The following LMNTD2 variants were observed in gnomAD, a reference collection of about 807,000 sequenced individuals.
The protein encoded by LMNTD2 is lamin tail domain-containing protein 2.
A neutral mutation model predicts 70.1 loss-of-function variants in LMNTD2; 83 were observed. The ratio of observed to expected loss-of-function variants is 1.18; its 90% CI spans 0.99 to 1.42. The LOEUF is 1.42. Ranked by LOEUF, LMNTD2 falls within the 40% of genes most tolerant of loss-of-function variation. The pLI, the probability that LMNTD2 is intolerant of heterozygous loss-of-function variation, is 0.00. For missense variants in LMNTD2, 1,153 were observed against 905.9 expected (o/e 1.27, Z -3.50); for synonymous variants, 534 against 406.1 (o/e 1.31, Z -3.79).
chr11:556,926 G>C lies in LMNTD2; in HGVS notation c.885C>G (p.Phe295Leu). ...GGGGCGGGTGCCCTATCACCTGCAC[G>C]AAGGAAGGCAGGCCCGGCCGGCAGC... is the stretch of plus-strand genomic sequence containing the variant. ...SSSCRPGLPS[F>L]VQVIGHPPRD... Residue 295 changes from phenylalanine (F) to leucine (L), a missense_variant, in exon 8 of 14, where the codon TTC (phenylalanine) becomes TTG (leucine). By Grantham distance (22) the Phe-to-Leu change is conservative. Coordinates refer to ENST00000329451, the MANE Select transcript of LMNTD2 (RefSeq NM_173573.3). 1 of 1,599,212 alleles carries C rather than the reference G, an allele frequency of 6.3e-7. No homozygotes were observed. Among genetic ancestry groups the C allele is most frequent in the Non-Finnish European group, 8.5e-7 (1 of 1,176,674 alleles).
rs1852939133 is a variant in LMNTD2, at chr11:557,101, T to A, written c.714-4A>T. The stretch of plus-strand genomic sequence containing the variant: ...CTGTGGCCAGGGCCGGGGCTGCCTG[T>A]GGACCACGCTCTGCTTGATGGCCAC... On this transcript the variant is annotated splice_region_variant and splice_polypyrimidine_tract_variant and intron_variant, in intron 7 of 13. Coordinates refer to ENST00000329451, the MANE Select transcript of LMNTD2 (RefSeq NM_173573.3). 1 of 1,584,828 alleles carries A rather than the reference T, an allele frequency of 6.3e-7. No homozygotes were observed. Among genetic ancestry groups the A allele is most frequent in the Non-Finnish European group, 8.6e-7 (1 of 1,164,442 alleles).
intron 8 of LMNTD2, 120 bp downstream of exon 8, chr11:556,715 A>C (rs1852904661): frequency 2.1e-6 from 3 of 1,420,734 alleles, no homozygotes; most frequent in Non-Finnish European, 1.9e-6. Context: ...CAGATGGGGC[A>C]GGAAAGGTGG....
chr11:559,742 C>T (rs1853158423), intron 1 of LMNTD2: 1 of 1,063,696 alleles, frequency 9.4e-7, no homozygotes, highest in South Asian at 2.9e-5. Flanking sequence ...ACACTCCTGC[C>T]CACAGCCTGT....
At position 555,468 on chromosome 11, in the gene LMNTD2, T is replaced by A; in HGVS notation, c.1610A>T (p.Lys537Met). Residue 537 changes from lysine to methionine, a missense_variant, in exon 13 of 14, where the codon AAG (lysine) becomes ATG (methionine). Coordinates refer to ENST00000329451, the MANE Select transcript of LMNTD2 (RefSeq NM_173573.3). Reference protein sequence around the residue: ...RGLLPPVSSGKLFHAREGPAR... With the variant: ...RGLLPPVSSGMLFHAREGPAR... The stretch of plus-strand genomic sequence containing the variant: ...AGGCCCCTCCCGCGCGTGGAAGAGC[T>A]TCCCCGAGCTCACTGGGGGCAGCAG... 3 of 1,376,138 alleles carry A rather than the reference T, an allele frequency of 2.2e-6. No homozygotes were observed. Among genetic ancestry groups the A allele is most frequent in the Non-Finnish European group, 2.8e-6 (3 of 1,071,186 alleles). 85.2% of individuals were successfully genotyped at this position (1,376,138 alleles called of 1,614,324 possible).
rs577734556 is a variant in LMNTD2 at position 556,880 on chromosome 11, C to T, written c.931G>A (p.Glu311Lys). The stretch of plus-strand genomic sequence containing the variant: ...CTGCCGGCCTGCACCAGCGCTTGCT[C>T]GGAGGAAGCGCGGTGGTCCCGGGGC... ...HPPRDHRASS[E>K]QALVQAGSYS... is the part of the protein sequence containing the mutation. Residue 311 changes from glutamate to lysine, a missense_variant, in exon 8 of 14, where the codon GAG (glutamate) becomes AAG (lysine). By Grantham distance (56) the Glu-to-Lys change is moderately conservative. Coordinates refer to ENST00000329451, the MANE Select transcript of LMNTD2 (RefSeq NM_173573.3). 1.4e-4 allele frequency: 227 copies of T among 1,593,294 alleles called. 1 individual carries two copies. In the South Asian group the frequency reaches 2.2e-3, roughly 15 times the overall value.
chr11:555,800 G>C lies in LMNTD2; in HGVS notation c.1508C>G (p.Pro503Arg), dbSNP rs774615777. The change falls in exon 12 of 14, where the codon CCG becomes CGG. Residue 503 changes from proline (P) to arginine (R), a missense_variant. By Grantham distance (103) the Pro-to-Arg change is moderately radical (BLOSUM62 -2). Coordinates refer to ENST00000329451, the MANE Select transcript of LMNTD2 (RefSeq NM_173573.3). Reference protein sequence around the residue: ...AGPGADTRKPPRPPRPLRKGR... With the variant: ...AGPGADTRKPRRPPRPLRKGR... ...TTTGCGCAGGGGTCGAGGTGGGCGC[G>C]GCGGCTTGCGGGTGTCGGCGCCGGG... is the stretch of plus-strand genomic sequence containing the variant. 2.8e-5 allele frequency: 42 copies of C among 1,522,370 alleles called. No homozygotes were observed. The highest frequency in any genetic ancestry group is 2.6e-4 in the Admixed American group (11 of 42,648). 94.3% of individuals were successfully genotyped at this position (1,522,370 alleles called of 1,614,324 possible).
intron 1 of LMNTD2, chr11:560,441 G>C: frequency 1.6e-6 from 2 of 1,248,376 alleles, no homozygotes; most frequent in South Asian, 3.3e-5. Flanking sequence ...GCTCCGCAGG[G>C]CTCCACCTCC....
At position 559,159 on chromosome 11, in the gene LMNTD2, C is replaced by G. The variant is rs1853113183; in HGVS notation, c.35-180G>C. ...CACCACTTACTCACAGAGCGTTGCT[C>G]TCTGAAGGGACCCACATGTGGGTGT... On this transcript the variant is annotated intron_variant, in intron 1 of 13. Transcript: ENST00000329451. 4.8e-6 allele frequency: 7 copies of G among 1,464,350 alleles called. No homozygotes were observed. The African/African-American group carries it at 8.5e-5, about 18-fold the overall frequency. The allele number at this position is 1,464,350 out of a possible 1,614,324, so 90.7% of individuals were successfully genotyped here.
intron 1 of LMNTD2, 169 bp from the exon 2 acceptor site, chr11:559,148 A>G: frequency 6.8e-7 from 1 of 1,464,500 alleles, no homozygotes; most frequent in Non-Finnish European, 9.0e-7. Context: ...ACTTACTCAC[A>G]GAGCGTTGCT....
rs760856112 is a variant in LMNTD2 at position 557,873 on chromosome 11, G to T, written c.555+11C>A. 3 of 1,555,452 alleles carry T rather than the reference G, an allele frequency of 1.9e-6. No homozygotes were observed. The highest frequency in any genetic ancestry group is 1.4e-5 in the African/African-American group (1 of 73,688). The stretch of plus-strand genomic sequence containing the variant: ...CAGCCTGGGGCAGGAGGGCTTGGGG[G>T]ACAGGCTCACCTCCACACTGCCAGT... On this transcript the variant is annotated intron_variant, in intron 5 of 13. Transcript: ENST00000329451.
chr11:556,908 G>C lies in LMNTD2; in HGVS notation c.903C>G (p.His301Gln). 1 of 1,595,930 alleles carries C rather than the reference G, an allele frequency of 6.3e-7. No homozygotes were observed. The highest frequency in any genetic ancestry group is 1.1e-5 in the South Asian group (1 of 89,310). The stretch of plus-strand genomic sequence containing the variant: ...AGGAAGCGCGGTGGTCCCGGGGCGG[G>C]TGCCCTATCACCTGCACGAAGGAAG... The part of the protein sequence containing the change: ...GLPSFVQVIG[H>Q]PPRDHRASSE... Residue 301 changes from histidine (H) to glutamine (Q), a missense_variant, in exon 8 of 14, where the codon CAC becomes CAG. Transcript: ENST00000329451.
In LMNTD2 at chr11:555,786, G is replaced by C. The variant is rs1242107429; in HGVS notation, c.1522C>G (p.Pro508Ala). Residue 508 changes from proline (P) to alanine (A), a missense_variant, in exon 12 of 14, where the codon CCC becomes GCC. By Grantham distance (27) the Pro-to-Ala change is conservative. Transcript: ENST00000329451. ...TCCCGCACCCGGCCTTTGCGCAGGG[G>C]TCGAGGTGGGCGCGGCGGCTTGCGG... is the stretch of plus-strand genomic sequence containing the variant. The part of the protein sequence containing the change: ...DTRKPPRPPR[P>A]LRKGRVREPR... The C allele has an allele frequency of 1.3e-6, 2 of 1,509,774 alleles. No individual in the cohort carries two copies. The highest frequency in any genetic ancestry group is 8.8e-7 in the Non-Finnish European group (1 of 1,141,834). 93.5% of individuals were successfully genotyped at this position (1,509,774 alleles called of 1,614,324 possible). A position where few individuals can be genotyped will look rare whatever the true frequency, so the allele number is the denominator to read the frequency against.
rs547589412 is a variant in LMNTD2, at chr11:557,921, A to G, written c.518T>C (p.Val173Ala). 9 of 1,586,128 alleles carry G rather than the reference A, an allele frequency of 5.7e-6. No individual in the cohort carries two copies. The South Asian group carries it at 9.2e-5, about 16-fold the overall frequency. The change falls in exon 5 of 14, where the codon GTG (valine) becomes GCG (alanine). Residue 173 changes from valine (V) to alanine (A), a missense_variant. Val to Ala is a moderately conservative substitution (Grantham distance 64). Transcript: ENST00000329451. ...AGTCTGGGATCGTAGCATGCGGCCC[A>G]CCCACGAGGAGCGGGCCAGCTGCAG... Reference protein sequence around the residue: ...CLLQLARSSWVGRMLRSQTGS... With the variant: ...CLLQLARSSWAGRMLRSQTGS...
intron 4 of LMNTD2, 29 bp from the exon 5 acceptor site, chr11:558,068 TG>T (rs751077380): frequency 5.1e-5 from 81 of 1,586,968 alleles, no homozygotes; most frequent in Middle Eastern, 1.7e-4. Context: ...TGGTTGGTGG[TG>T]GGGGGGTGTC....
chr11:560,644 G>A (rs1209563818), intron 1 of LMNTD2, 39 bp downstream of exon 1: 3 of 1,379,212 alleles, frequency 2.2e-6, no homozygotes, highest in Non-Finnish European at 2.8e-6. Flanking sequence ...CTAGAAGGCT[G>A]CTGAGGAAGT....
chr11:558,405 G>C, intron 3 of LMNTD2, 157 bp from the exon 4 acceptor site: 2 of 1,075,702 alleles, frequency 1.9e-6, no homozygotes. Context: ...GCCTCCGGCT[G>C]GTCTGGACAA....
intron 3 of LMNTD2, 118 bp downstream of exon 3, chr11:558,496 G>A (rs187917012): frequency 3.0e-5 from 39 of 1,315,454 alleles, no homozygotes; most frequent in East Asian, 5.0e-5. Context: ...GAGGGTCAGC[G>A]CGGGCAAGGA....
At position 556,041 on chromosome 11, in the gene LMNTD2, G is replaced by A. The variant is rs1283814375; in HGVS notation, c.1332C>T (p.Leu444=). The A allele has an allele frequency of 1.9e-6, 3 of 1,555,560 alleles. No individual in the cohort carries two copies. Among genetic ancestry groups the A allele is most frequent in the South Asian group, 1.2e-5 (1 of 86,792 alleles). Reference sequence around the variant, plus strand: ...GCAGCGTCGCGCAGCCGCGGATGGAGAGGAGGGGAACGGGCTCCCGGCTCG... The same window carrying A: ...GCAGCGTCGCGCAGCCGCGGATGGAAAGGAGGGGAACGGGCTCCCGGCTCG... ...ASSSREPVPL[L]SIRGCATLLL... Residue 444 remains leucine (L), a synonymous_variant, in exon 11 of 14, where the codon CTC becomes CTT. Transcript: ENST00000329451.
intron 1 of LMNTD2, chr11:559,619 T>C: frequency 2.5e-6 from 3 of 1,183,608 alleles, no homozygotes; most frequent in South Asian, 1.5e-5. Flanking sequence ...GCGGGATAAA[T>C]AGGGGGGCAC....
Sources: allele counts gnomAD v4.1 joint callset, GRCh38; gene constraint gnomAD v4.1.1; transcripts MANE v1.5; gene names NCBI Gene and HGNC (gene_info 2026-07-23, HGNC 2026-07-21).